PRKG1: variants seen among roughly 807,000 people sequenced by gnomAD.
The protein encoded by PRKG1 is cGMP-dependent protein kinase 1.
In PRKG1, 35 loss-of-function variants were observed where a neutral mutation model predicts 88.1. The ratio of observed to expected loss-of-function variants is 0.40; its 90% CI spans 0.30 to 0.53. The LOEUF is 0.53. Ranked by LOEUF, PRKG1 falls within the 20% of genes least tolerant of loss-of-function variation. The pLI, the probability that PRKG1 is intolerant of heterozygous loss-of-function variation, is 0.59. For missense variants in PRKG1, 540 were observed against 839.8 expected (o/e 0.64, Z 4.41); for synonymous variants, 303 against 292.5 (o/e 1.04, Z -0.37).
intron 9 of PRKG1, among the ~76,000 whole-genome samples, chr10:52,201,516 G>A (rs768002038): frequency 3.3e-5 from 5 of 152,010 alleles, no homozygotes; most frequent in Non-Finnish European, 7.4e-5. Context: ...TTTTGCTTAG[G>A]ATTGATGTAG....
chr10:51,016,692 T>TTTTTTTTTTTTTTTTTTC (rs1554830040), intron 1 of PRKG1, among the ~76,000 whole-genome samples: 7 of 133,242 alleles, frequency 5.3e-5, no homozygotes, highest in African/African-American at 2.1e-4. Flanking sequence ...TTTTTTTTTT[T>TTTTTTTTTTTTTTTTTTC]GGAATCTTGC....
intron 7 of PRKG1, among the ~76,000 whole-genome samples, chr10:52,084,424 T>A (rs1327505083): frequency 2.0e-5 from 3 of 152,044 alleles, no homozygotes; most frequent in African/African-American, 7.2e-5. Context: ...GCCATGTTTT[T>A]CACAAATTTG....
chr10:52,164,862 T>C (rs1341129991), intron 9 of PRKG1, among the ~76,000 whole-genome samples: 1 of 152,186 alleles, frequency 6.6e-6, no homozygotes, highest in Non-Finnish European at 1.5e-5. Flanking sequence ...ACAATCAAAC[T>C]AACACATCTA....
chr10:51,831,295 TGTTCATG>T (rs1840000638), intron 4 of PRKG1, among the ~76,000 whole-genome samples: 1 of 152,104 alleles, frequency 6.6e-6, no homozygotes, highest in African/African-American at 2.4e-5. Context: ...AATCATTATA[TGTTCATG>T]GTAGAAAATG....
chr10:51,084,391 AG>A (rs1229346163), intron 1 of PRKG1, among the ~76,000 whole-genome samples: 1 of 152,246 alleles, frequency 6.6e-6, no homozygotes, highest in Non-Finnish European at 1.5e-5. Context: ...AACCTATGAA[AG>A]GATGGGAGTT....
intron 5 of PRKG1, among the ~76,000 whole-genome samples, chr10:51,915,427 A>G (rs902893982): frequency 2.0e-5 from 3 of 152,202 alleles, no homozygotes; most frequent in Non-Finnish European, 4.4e-5. Context: ...TTGGCCTAAC[A>G]TGCTCTGAGT....
chr10:51,845,375 A>G (rs1002434471), intron 4 of PRKG1, among the ~76,000 whole-genome samples: 4 of 152,156 alleles, frequency 2.6e-5, no homozygotes, highest in African/African-American at 4.8e-5. Flanking sequence ...ATTAATTATC[A>G]ATATTATATT....
chr10:51,627,315 G>A (rs531646305), intron 3 of PRKG1, among the ~76,000 whole-genome samples: 1 of 152,166 alleles, frequency 6.6e-6, no homozygotes, highest in Non-Finnish European at 1.5e-5. Context: ...GAAAGCTTGG[G>A]CAGGTTGTGT....
intron 3 of PRKG1, among the ~76,000 whole-genome samples, chr10:51,578,982 T>G (rs1223609170): frequency 9.7e-6 from 1 of 103,520 alleles, no homozygotes; most frequent in Non-Finnish European, 2.0e-5. Context: ...TTCTGTTGGT[T>G]TTTTTTTTTT....
At chr10:51,029,549 G>A (rs1843252968) in intron 1 of PRKG1, among the ~76,000 whole-genome samples, 1 of 152,142 alleles carries the variant, frequency 6.6e-6, no homozygotes, top group Non-Finnish European at 1.5e-5. Flanking sequence ...ATTAGGAAAT[G>A]TGTTGGAATG....
chr10:52,019,672 G>A (rs1845132797), intron 5 of PRKG1, among the ~76,000 whole-genome samples: 1 of 152,188 alleles, frequency 6.6e-6, no homozygotes, highest in African/African-American at 2.4e-5. Context: ...TCCCATGGAA[G>A]TATTTTATTT....
At chr10:51,651,591 T>C (rs1345323323) in intron 3 of PRKG1, among the ~76,000 whole-genome samples, 2 of 151,676 alleles carry the variant, frequency 1.3e-5, no homozygotes, top group African/African-American at 2.4e-5. Flanking sequence ...TTACTTTTTT[T>C]TTTTTTTAAT....
chr10:51,037,798 A>G (rs757297278), intron 1 of PRKG1, among the ~76,000 whole-genome samples: 4 of 152,114 alleles, frequency 2.6e-5, no homozygotes, highest in Non-Finnish European at 5.9e-5. Flanking sequence ...AAAAAAAATT[A>G]AAAAATATTT....
intron 2 of PRKG1, among the ~76,000 whole-genome samples, chr10:51,234,378 TC>T (rs1213571808): frequency 6.6e-6 from 1 of 152,194 alleles, no homozygotes; most frequent in East Asian, 1.9e-4. Flanking sequence ...AGCTGCTGCT[TC>T]GTTGTAAGGA....
chr10:52,014,875 G>C (rs2133178294), intron 5 of PRKG1, among the ~76,000 whole-genome samples: 1 of 152,342 alleles, frequency 6.6e-6, no homozygotes, highest in African/African-American at 2.4e-5. Context: ...TTGACTCCAT[G>C]TCTCACATTC....
chr10:51,272,691 G>A (rs954815929), intron 2 of PRKG1, among the ~76,000 whole-genome samples: 1 of 152,130 alleles, frequency 6.6e-6, no homozygotes, highest in Admixed American at 6.5e-5. Context: ...GCAGCAGCAT[G>A]GTCAGGAAAT....
chr10:51,081,293 A>C (rs941517377), intron 1 of PRKG1, among the ~76,000 whole-genome samples: 5 of 152,230 alleles, frequency 3.3e-5, no homozygotes, highest in African/African-American at 1.2e-4. Flanking sequence ...TATTGGTAAA[A>C]CTATGCCATA....
At chr10:51,488,780 T>G (rs1046570359) in intron 3 of PRKG1, among the ~76,000 whole-genome samples, 1 of 152,166 alleles carries the variant, frequency 6.6e-6, no homozygotes, top group Non-Finnish European at 1.5e-5. Flanking sequence ...GTAGCTTAGA[T>G]CTAGACTGGC....
intron 3 of PRKG1, among the ~76,000 whole-genome samples, chr10:51,721,036 G>A (rs1841999096): frequency 6.6e-6 from 1 of 151,690 alleles, no homozygotes; most frequent in African/African-American, 2.4e-5. Flanking sequence ...GGAAGACCCT[G>A]TCTCTACAAA....
Sources: allele counts gnomAD v4.1 joint callset (sites outside exome capture counted in the v4.1 genomes callset), GRCh38; gene constraint gnomAD v4.1.1; transcripts MANE v1.5; gene names NCBI Gene and HGNC (gene_info 2026-07-23, HGNC 2026-07-21).